The following AKT3 variants were observed in gnomAD, a reference collection of about 807,000 sequenced individuals.
The protein encoded by AKT3 is AKT serine/threonine kinase 3.
Under a neutral mutation model 65.3 loss-of-function variants are expected in AKT3, and 15 were observed. The ratio of observed to expected loss-of-function variants is 0.23; its 90% CI spans 0.15 to 0.35. The LOEUF is 0.35. Ranked by LOEUF, AKT3 falls within the 10% of genes least tolerant of loss-of-function variation. The probability of loss-of-function intolerance (pLI) is 1.00; values close to 1 mark genes in which losing one functional copy is unlikely to be tolerated. For missense variants in AKT3, 243 were observed against 576.5 expected (o/e 0.42, Z 5.92); for synonymous variants, 206 against 183.8 (o/e 1.12, Z -0.98).
intron 2 of AKT3, among the ~76,000 whole-genome samples, chr1:243,792,152 A>G (rs1257450856): frequency 2.2e-5 from 1 of 45,428 alleles, no homozygotes; most frequent in Admixed American, 2.5e-4. Context: ...TTGCACAAAC[A>G]ATAATAAGTC....
At chr1:243,618,509 C>A (rs972485219) in intron 6 of AKT3, among the ~76,000 whole-genome samples, 1 of 152,058 alleles carries the variant, frequency 6.6e-6, no homozygotes, top group Non-Finnish European at 1.5e-5. Context: ...AAAACAGTGA[C>A]TAAAACAATG....
chr1:243,640,669 G>A (rs1174796807), intron 5 of AKT3, among the ~76,000 whole-genome samples: 3 of 152,082 alleles, frequency 2.0e-5, no homozygotes, highest in Non-Finnish European at 4.4e-5. Flanking sequence ...CCAACAGTCA[G>A]CACCAAGGCC....
chr1:243,776,054 T>C (rs1690523403), intron 2 of AKT3, among the ~76,000 whole-genome samples: 1 of 152,218 alleles, frequency 6.6e-6, no homozygotes, highest in Admixed American at 6.5e-5. Flanking sequence ...ACTGATACAG[T>C]GAAGGAAGCA....
intron 6 of AKT3, among the ~76,000 whole-genome samples, chr1:243,629,377 T>C (rs527717158): frequency 6.6e-6 from 1 of 152,268 alleles, no homozygotes; most frequent in South Asian, 2.1e-4. Context: ...TGAATTAAAG[T>C]AGGACATGTT....
At chr1:243,703,631 G>A (rs1338163977) in intron 2 of AKT3, among the ~76,000 whole-genome samples, 1 of 151,494 alleles carries the variant, frequency 6.6e-6, no homozygotes, top group Non-Finnish European at 1.5e-5. Flanking sequence ...TGGTGGCGGG[G>A]CCCTTATAAT....
At chr1:243,815,132 A>G (rs529036504) in intron 2 of AKT3, among the ~76,000 whole-genome samples, 1 of 152,296 alleles carries the variant, frequency 6.6e-6, no homozygotes, top group African/African-American at 2.4e-5. Context: ...TGATCATACG[A>G]AGAGGCTGGG....
intron 10 of AKT3, among the ~76,000 whole-genome samples, chr1:243,554,762 C>G (rs1188420117): frequency 2.0e-5 from 3 of 151,922 alleles, no homozygotes; most frequent in Non-Finnish European, 1.5e-5. Flanking sequence ...CGAAAAGGAG[C>G]CAAATGTGGT....
intron 13 of AKT3, among the ~76,000 whole-genome samples, chr1:243,509,915 A>T (rs1231497412): frequency 6.6e-6 from 1 of 152,156 alleles, no homozygotes; most frequent in Non-Finnish European, 1.5e-5. Context: ...CACAGGCAGG[A>T]CACAAGGCAG....
chr1:243,526,620 CAT>C (rs1489377953), intron 12 of AKT3, among the ~76,000 whole-genome samples: 1 of 151,926 alleles, frequency 6.6e-6, no homozygotes. Context: ...AAATATACCA[CAT>C]GACTTGCAAG....
intron 6 of AKT3, among the ~76,000 whole-genome samples, chr1:243,634,985 A>G (rs1679874598): frequency 6.6e-6 from 1 of 151,916 alleles, no homozygotes; most frequent in South Asian, 2.1e-4. Flanking sequence ...TCTATTAAAT[A>G]TACACAAAAT....
intron 2 of AKT3, among the ~76,000 whole-genome samples, chr1:243,731,262 T>C (rs1687547875): frequency 6.6e-6 from 1 of 152,254 alleles, no homozygotes; most frequent in Admixed American, 6.5e-5. Flanking sequence ...TAGCAGCTCA[T>C]GTTTTCTACC....
intron 13 of AKT3, among the ~76,000 whole-genome samples, chr1:243,491,339 G>A (rs1009261611): frequency 3.9e-5 from 6 of 152,142 alleles, no homozygotes; most frequent in Non-Finnish European, 8.8e-5. Flanking sequence ...TTTGCCTGAA[G>A]CAACAGCAAT....
Position 243,754,153 on chromosome 1 carries a change from T to C in AKT3, c.47-58437A>G, listed in dbSNP as rs73128271. Among the ~76,000 whole-genome samples the C allele has an allele frequency of 6.6e-3, 999 of 152,310 alleles. 10 individuals are homozygous for C. Among genetic ancestry groups the C allele is most frequent in the African/African-American group, 0.023 (962 of 41,562 alleles). Reference sequence around the variant, plus strand: ...AGCTTATCCTTAAAGTAAAAGACCATGTCTTAAGTTTCTTTTCTGACATCA... The same window carrying C: ...AGCTTATCCTTAAAGTAAAAGACCACGTCTTAAGTTTCTTTTCTGACATCA... On this transcript the variant is annotated intron_variant, in intron 2 of 13. Coordinates refer to ENST00000673466, the MANE Select transcript of AKT3 (RefSeq NM_005465.7).
chr1:243,824,560 G>GA (rs1268989386), intron 2 of AKT3, among the ~76,000 whole-genome samples: 8 of 151,034 alleles, frequency 5.3e-5, no homozygotes, highest in Non-Finnish European at 7.4e-5. Flanking sequence ...AAATTTTCAA[G>GA]ACAAAAAAAA....
intron 10 of AKT3, among the ~76,000 whole-genome samples, chr1:243,562,264 T>G (rs1005696082): frequency 6.6e-6 from 1 of 152,148 alleles, no homozygotes; most frequent in African/African-American, 2.4e-5. Flanking sequence ...GTATGAACTG[T>G]CTACAATAGG....
chr1:243,702,109 CAAAA>C (rs148524776), intron 2 of AKT3, among the ~76,000 whole-genome samples: 47 of 124,572 alleles, frequency 3.8e-4, no homozygotes, highest in Non-Finnish European at 6.6e-4. Flanking sequence ...AGAATTTATG[CAAAA>C]AAAAAAAAAA....
intron 2 of AKT3, among the ~76,000 whole-genome samples, chr1:243,749,025 T>C (rs545694197): frequency 6.6e-6 from 1 of 152,310 alleles, no homozygotes; most frequent in Admixed American, 6.5e-5. Context: ...ATTTCCTCAG[T>C]TCTACTGAAC....
At chr1:243,522,446 C>T (rs1670779101) in intron 12 of AKT3, among the ~76,000 whole-genome samples, 1 of 152,092 alleles carries the variant, frequency 6.6e-6, no homozygotes, top group Non-Finnish European at 1.5e-5. Flanking sequence ...TCACTTGAGG[C>T]CAGGAGTTCA....
chr1:243,625,024 C>A, intron 6 of AKT3: 1 of 360,740 alleles, frequency 2.8e-6, no homozygotes, highest in South Asian at 2.8e-5. Context: ...TTCTGTCGGT[C>A]AGCTTCCAGG....
Sources: gnomAD v4.1 joint callset for allele counts (sites outside exome capture counted in the v4.1 genomes callset) on GRCh38, gnomAD v4.1.1 for gene constraint, MANE v1.5 for transcripts, NCBI Gene and HGNC (gene_info 2026-07-23, HGNC 2026-07-21) for gene names.